ARHGEF2: variants seen among roughly 807,000 people sequenced by gnomAD.
The protein encoded by ARHGEF2 is rho guanine nucleotide exchange factor 2.
In ARHGEF2, 22 loss-of-function variants were observed where a neutral mutation model predicts 121.0. The ratio of observed to expected loss-of-function variants is 0.18; its 90% CI spans 0.13 to 0.26. ARHGEF2 has a LOEUF of 0.26. Among genes scored for constraint, ARHGEF2 ranks in the 10% least tolerant of loss-of-function variants. ARHGEF2 has a pLI of 1.00. For missense variants in ARHGEF2, 907 were observed against 1,336.0 expected (o/e 0.68, Z 5.01); for synonymous variants, 487 against 530.0 (o/e 0.92, Z 1.11).
rs969403657 is a variant in ARHGEF2 at position 155,965,448 on chromosome 1, T to TCGGG, written c.471-40_471-37dup. Reference sequence around the variant, plus strand: ...TGGAGGCTGTCTGCATCACCCCCAGTCGGGCAAAAGATCCCTTCCCAGGTA... The same window carrying TCGGG: ...TGGAGGCTGTCTGCATCACCCCCAGTCGGGCGGGCAAAAGATCCCTTCCCAGGTA... On this transcript the variant is annotated intron_variant, in intron 5 of 21. Transcript: ENST00000361247. This position sits in a 1 kb window ranked among gnomAD's most constrained non-coding sequence, Gnocchi z 6.0. The TCGGG allele has an allele frequency of 3.1e-6, 5 of 1,607,302 alleles. No individual in the cohort carries two copies. The highest frequency in any genetic ancestry group is 1.7e-5 in the Admixed American group (1 of 59,922).
At chr1:155,971,125 C>G in intron 1 of ARHGEF2, 1 of 985,344 alleles carries the variant, frequency 1.0e-6, no homozygotes, top group South Asian at 4.7e-5. Flanking sequence ...TCTACCTAGG[C>G]TTATTCAGGA....
intron 2 of ARHGEF2, chr1:155,968,452 G>C (rs1679865938): frequency 1.3e-5 from 2 of 152,194 alleles, no homozygotes; most frequent in Non-Finnish European, 2.9e-5. Context: ...TGAGGGAGAG[G>C]GGGCAGCAGG....
At position 155,962,043 on chromosome 1, in the gene ARHGEF2, GA is replaced by G; in HGVS notation, c.1219+61del. ...ACCCCACCCTTCCTGTGGTCATACC[GA>G]GCCTTTCCTCACCCCAGGTGGCCGT... is the stretch of plus-strand genomic sequence containing the variant. On this transcript the variant is annotated intron_variant, in intron 10 of 21. Transcript: ENST00000361247. The surrounding 1 kb of genome is among the most constrained non-coding windows in gnomAD (Gnocchi z 5.8). The G allele has an allele frequency of 6.2e-7, 1 of 1,606,456 alleles. No individual in the cohort carries two copies. Among genetic ancestry groups the G allele is most frequent in the Non-Finnish European group, 8.5e-7 (1 of 1,173,994 alleles).
chr1:155,948,834 G>C (rs1455775442), intron 21 of ARHGEF2, among the ~76,000 whole-genome samples: 1 of 152,076 alleles, frequency 6.6e-6, no homozygotes, highest in Non-Finnish European at 1.5e-5. Flanking sequence ...TGTCGCCCAG[G>C]CTGGAGCAAT....
chr1:155,969,931 A>C, intron 1 of ARHGEF2: 10 of 985,434 alleles, frequency 1.0e-5, no homozygotes, highest in Non-Finnish European at 1.2e-5. Context: ...GCCACGGCAC[A>C]CAGGGCCTGT....
At chr1:155,979,330 A>G, upstream of ARHGEF2, 1 of 985,438 alleles carries the variant, frequency 1.0e-6, no homozygotes, top group Non-Finnish European at 1.2e-6. Flanking sequence ...CCGGAACTGA[A>G]AGACCAGAAA....
At chr1:155,956,494 T>C (rs1676695816) in intron 13 of ARHGEF2, among the ~76,000 whole-genome samples, 1 of 151,648 alleles carries the variant, frequency 6.6e-6, no homozygotes, top group Non-Finnish European at 1.5e-5. Flanking sequence ...ATTATAAAGT[T>C]GAGAACTGAT....
At chr1:155,954,288 T>C (rs1302210942) in intron 14 of ARHGEF2, among the ~76,000 whole-genome samples, 16 of 143,116 alleles carry the variant, frequency 1.1e-4, no homozygotes, top group African/African-American at 4.0e-4. Flanking sequence ...ACTTCTTTTT[T>C]TTTTTTTTTT....
Position 155,951,214 on chromosome 1 carries a change from C to T in ARHGEF2, c.2318G>A (p.Arg773Gln), listed in dbSNP as rs1397557906. Reference protein sequence around the residue: ...MEARFPEGPERREKLCRANSR... With the variant: ...MEARFPEGPEQREKLCRANSR... Reference sequence around the variant, plus strand: ...GTTGGCTCGGCACAGCTTCTCCCGCCGCTCAGGGCCCTCAGGGAACCGGGC... The same window carrying T: ...GTTGGCTCGGCACAGCTTCTCCCGCTGCTCAGGGCCCTCAGGGAACCGGGC... Residue 773 changes from arginine (R) to glutamine (Q), a missense_variant, in exon 20 of 22, where the codon CGG becomes CAG. By Grantham distance (43) the Arg-to-Gln change is conservative. This residue lies in a region of ARHGEF2 where 432 missense variants were observed against 559.5 expected (regional missense o/e 0.77). Transcript: ENST00000361247. This position sits in a 1 kb window ranked among gnomAD's most constrained non-coding sequence, Gnocchi z 5.1. 13 of 1,611,330 alleles carry T rather than the reference C, an allele frequency of 8.1e-6. No homozygotes were observed. Among genetic ancestry groups the T allele is most frequent in the African/African-American group, 4.0e-5 (3 of 74,924 alleles).
At chr1:155,966,618 G>A in intron 3 of ARHGEF2, 139 bp from the exon 4 acceptor site, 1 of 1,090,576 alleles carries the variant, frequency 9.2e-7, no homozygotes, top group Non-Finnish European at 1.4e-6. Flanking sequence ...CAGGGTGATT[G>A]AGCCCAGTGC....
rs1674592225 is a variant in ARHGEF2 at position 155,947,511 on chromosome 1, G to A, written c.*431C>T. On this transcript the variant is annotated 3_prime_UTR_variant, in exon 22 of 22. Transcript: ENST00000361247. ...GTGGCTGCAGCCTCTCCTCCAAGAC[G>A]GATGTTGCAGGGGAGGGCCGTTAGG... The A allele has an allele frequency of 1.6e-5, 7 of 439,584 alleles. No individual in the cohort carries two copies. Among genetic ancestry groups the A allele is most frequent in the East Asian group, 7.0e-5 (1 of 14,356 alleles). 27.2% of individuals were successfully genotyped at this position (439,584 alleles called of 1,614,324 possible). A position where few individuals can be genotyped will look rare whatever the true frequency, so the allele number is the denominator to read the frequency against.
chr1:155,950,500 G>A lies in ARHGEF2; in HGVS notation c.2704-18C>T. ...CGGCTGGGCTGTGGACAGTGGGCAGGAAGAACAGCAGGTCAGGGACTGAGT... is the reference window on the plus strand; with the variant it reads ...CGGCTGGGCTGTGGACAGTGGGCAGAAAGAACAGCAGGTCAGGGACTGAGT... On this transcript the variant is annotated intron_variant, in intron 20 of 21. Transcript: ENST00000361247. This position sits in a 1 kb window ranked among gnomAD's most constrained non-coding sequence, Gnocchi z 5.2. The A allele has an allele frequency of 1.2e-6, 2 of 1,611,524 alleles. No individual in the cohort carries two copies. Among genetic ancestry groups the A allele is most frequent in the South Asian group, 1.1e-5 (1 of 91,036 alleles).
At chr1:155,970,876 C>A in intron 1 of ARHGEF2, 1 of 986,356 alleles carries the variant, frequency 1.0e-6, no homozygotes, top group Non-Finnish European at 1.2e-6. Context: ...TGTCCAGAGC[C>A]CAGAGGTCTT....
At chr1:155,966,977 A>T in intron 2 of ARHGEF2, 90 bp from the exon 3 acceptor site, 1 of 1,290,192 alleles carries the variant, frequency 7.8e-7, no homozygotes, top group Non-Finnish European at 1.1e-6. Context: ...CCTCCTGGCC[A>T]CACAGTCCTC....
In ARHGEF2 at chr1:155,950,650, T is replaced by C. The variant is rs556774519; in HGVS notation, c.2704-168A>G. ...CTTTCAGCACCACGACCCGAGTTAA[T>C]TTCCTCCACCCCTGCACCCATCTAC... On this transcript the variant is annotated intron_variant, in intron 20 of 21. Coordinates refer to ENST00000361247, the MANE Select transcript of ARHGEF2 (RefSeq NM_001162383.2). This position sits in a 1 kb window ranked among gnomAD's most constrained non-coding sequence, Gnocchi z 5.2. 6.6e-6 allele frequency among the ~76,000 whole-genome samples: 1 copy of C among 152,292 alleles called. No homozygotes were observed. Among genetic ancestry groups the C allele is most frequent in the South Asian group, 2.1e-4 (1 of 4,824 alleles).
intron 3 of ARHGEF2, 136 bp downstream of exon 3, chr1:155,966,684 G>A: frequency 8.8e-7 from 1 of 1,141,630 alleles, no homozygotes; most frequent in Non-Finnish European, 1.3e-6. Context: ...GAGGCCTGGG[G>A]TTGAGGGTCT....
At chr1:155,957,936 A>G (rs1469919001) in intron 12 of ARHGEF2, 54 bp from the exon 13 acceptor site, 10 of 1,563,868 alleles carry the variant, frequency 6.4e-6, no homozygotes, top group Non-Finnish European at 8.7e-6. Flanking sequence ...CCCTTGGCAT[A>G]TTTAGGCCTT....
At chr1:155,958,870 C>T (rs536143303) in intron 11 of ARHGEF2, among the ~76,000 whole-genome samples, 2 of 140,090 alleles carry the variant, frequency 1.4e-5, no homozygotes, top group East Asian at 2.1e-4. Flanking sequence ...TGAGCCACCG[C>T]GCCTGGTCAC....
Position 155,950,139 on chromosome 1 carries a change from G to T in ARHGEF2, c.2887+160C>A. ...GGAGAGAGGCCCCTCCTGCTTCCTA[G>T]ACTTCCACCACCCATTCATCATCAG... On this transcript the variant is annotated intron_variant, in intron 21 of 21. Transcript: ENST00000361247. This position sits in a 1 kb window ranked among gnomAD's most constrained non-coding sequence, Gnocchi z 5.2. The T allele has an allele frequency of 1.2e-6, 1 of 858,688 alleles. No homozygotes were observed. The highest frequency in any genetic ancestry group is 1.8e-6 in the Non-Finnish European group (1 of 557,258). The allele number at this position is 858,688 out of a possible 1,614,324, so 53.2% of individuals were successfully genotyped here.
Sources: allele counts gnomAD v4.1 joint callset (sites outside exome capture counted in the v4.1 genomes callset), GRCh38; gene constraint gnomAD v4.1.1; regional missense constraint gnomAD v4.1.1; non-coding constraint Gnocchi (gnomAD v3.1); transcripts MANE v1.5; gene names NCBI Gene and HGNC (gene_info 2026-07-23, HGNC 2026-07-21).